Variants in USP39 observed in about 807,000 individuals in gnomAD.
USP39 encodes ubiquitin specific peptidase 39, also known as ubiquitin carboxyl-terminal hydrolase 39.
In USP39, 38 loss-of-function variants were observed where a neutral mutation model predicts 66.4. That is an observed-to-expected ratio of 0.57 (90% confidence interval 0.44 to 0.75). USP39 has a LOEUF of 0.75. Ranked by LOEUF, USP39 falls within the 30% of genes least tolerant of loss-of-function variation. The probability of loss-of-function intolerance (pLI) is 0.00; values close to 1 mark genes in which losing one functional copy is unlikely to be tolerated. For synonymous variants in USP39, 303 were observed against 274.6 expected, an observed-to-expected ratio of 1.10 and a Z score of -1.02; for missense variants, 608 against 714.4, an observed-to-expected ratio of 0.85 and a Z score of 1.70.
intron 11 of USP39, among the ~76,000 whole-genome samples, chr2:85,647,396 C>T (rs1229214979): frequency 2.0e-5 from 3 of 151,968 alleles, no homozygotes; most frequent in African/African-American, 4.8e-5. Flanking sequence ...AGGGGCCAGG[C>T]GCAGTGGCTC....
At chr2:85,641,345 A>G (rs1676220777) in intron 10 of USP39, among the ~76,000 whole-genome samples, 1 of 152,214 alleles carries the variant, frequency 6.6e-6, no homozygotes, top group East Asian at 1.9e-4. Context: ...TCCTGTTGCT[A>G]GCTGGAAATT....
At chr2:85,604,251 C>T (rs1673129940) in intron 1 of USP39, among the ~76,000 whole-genome samples, 1 of 152,140 alleles carries the variant, frequency 6.6e-6, no homozygotes, top group African/African-American at 2.4e-5. Flanking sequence ...CACTTGTTGC[C>T]CAGGCTGGAA....
At chr2:85,633,503 C>G (rs7579847) in intron 6 of USP39, among the ~76,000 whole-genome samples, 11,527 of 152,202 alleles carry the variant, frequency 0.076, 1,471 homozygotes, top group African/African-American at 0.26. Flanking sequence ...GGCATGGTCA[C>G]TCAAACCTGT....
upstream of USP39, chr2:85,607,286 G>A (rs1305822572): frequency 6.6e-6 from 1 of 152,210 alleles, no homozygotes; most frequent in Non-Finnish European, 1.5e-5. Flanking sequence ...CTCTGACCAG[G>A]AAGAACAGGG....
At chr2:85,640,915 C>T (rs1676187978) in intron 9 of USP39, 61 bp from the exon 10 acceptor site, 1 of 1,482,868 alleles carries the variant, frequency 6.7e-7, no homozygotes, top group East Asian at 2.3e-5. Context: ...AAAACTCATG[C>T]CCCTGCTCTA....
At chr2:85,624,906 T>C (rs1181829280) in intron 4 of USP39, among the ~76,000 whole-genome samples, 2 of 149,132 alleles carry the variant, frequency 1.3e-5, no homozygotes, top group Admixed American at 6.8e-5. Context: ...GAGGTTGCAG[T>C]GAGCCAAGAT....
At chr2:85,642,482 TC>T (rs1676305474) in intron 10 of USP39, among the ~76,000 whole-genome samples, 1 of 152,224 alleles carries the variant, frequency 6.6e-6, no homozygotes, top group African/African-American at 2.4e-5. Flanking sequence ...CAATGGTACT[TC>T]CTGCTCAGTT....
At chr2:85,642,716 T>C (rs1676330493) in intron 10 of USP39, among the ~76,000 whole-genome samples, 1 of 152,242 alleles carries the variant, frequency 6.6e-6, no homozygotes, top group Non-Finnish European at 1.5e-5. Flanking sequence ...TTCTGGATCA[T>C]TTCATTGTCC....
At chr2:85,638,085 G>A (rs1462631780) in intron 8 of USP39, among the ~76,000 whole-genome samples, 1 of 143,582 alleles carries the variant, frequency 7.0e-6, no homozygotes, top group African/African-American at 2.6e-5. Context: ...GCAATGGCAT[G>A]ATCTCAGCTC....
At chr2:85,608,838 G>A, upstream of USP39, 6 of 1,483,416 alleles carry the variant, frequency 4.0e-6, no homozygotes, top group Middle Eastern at 1.9e-4. Flanking sequence ...CAGCTCTGGG[G>A]GTCTCAAGAT....
At chr2:85,631,651 G>T (rs1267364889) in intron 6 of USP39, among the ~76,000 whole-genome samples, 1 of 152,108 alleles carries the variant, frequency 6.6e-6, no homozygotes, top group Non-Finnish European at 1.5e-5. Flanking sequence ...CAGGAGGCTG[G>T]GAAAGACACT....
chr2:85,622,670 C>T (rs1040511159), intron 3 of USP39, among the ~76,000 whole-genome samples: 2 of 147,856 alleles, frequency 1.4e-5, no homozygotes, highest in Non-Finnish European at 3.0e-5. Flanking sequence ...TTTTTTATTC[C>T]ATTTTTTTCT....
upstream of USP39, chr2:85,609,334 C>T: frequency 6.7e-7 from 1 of 1,494,428 alleles, no homozygotes; most frequent in East Asian, 2.3e-5. Flanking sequence ...GGAGCAGACG[C>T]TTCCCATTGG....
intron 8 of USP39, among the ~76,000 whole-genome samples, chr2:85,638,952 G>A (rs1299702355): frequency 6.6e-6 from 1 of 151,770 alleles, no homozygotes; most frequent in African/African-American, 2.4e-5. Context: ...GATTACAGCC[G>A]TGAGCCATCA....
At chr2:85,647,511 A>G (rs1313235799) in intron 11 of USP39, among the ~76,000 whole-genome samples, 1 of 151,704 alleles carries the variant, frequency 6.6e-6, no homozygotes, top group Non-Finnish European at 1.5e-5. Context: ...TAAAAAAAAA[A>G]TTAGCCAGTT....
At chr2:85,630,673 G>C in intron 5 of USP39, 48 bp from the exon 6 acceptor site, 1 of 1,562,032 alleles carries the variant, frequency 6.4e-7, no homozygotes, top group Non-Finnish European at 8.8e-7. Context: ...CTTGGCTCAA[G>C]GGGTCCTACA....
chr2:85,633,863 A>T (rs1470273613), intron 6 of USP39, among the ~76,000 whole-genome samples: 5 of 108,004 alleles, frequency 4.6e-5, no homozygotes, highest in Non-Finnish European at 8.6e-5. Flanking sequence ...TTTGAGACAG[A>T]GTCTCGCTCT....
At chr2:85,615,736 T>G (rs1235044022), upstream of USP39, among the ~76,000 whole-genome samples, 1 of 152,226 alleles carries the variant, frequency 6.6e-6, no homozygotes, top group African/African-American at 2.4e-5. Flanking sequence ...GTTCAAGCGA[T>G]TCTCCTGCCT....
chr2:85,640,913 T>C (rs996362812), intron 9 of USP39, 63 bp from the exon 10 acceptor site: 18 of 1,469,484 alleles, frequency 1.2e-5, no homozygotes, highest in Non-Finnish European at 1.6e-5. Flanking sequence ...GAAAAACTCA[T>C]GCCCCTGCTC....
Sources: allele counts gnomAD v4.1 joint callset (sites outside exome capture counted in the v4.1 genomes callset), GRCh38; gene constraint gnomAD v4.1.1; transcripts MANE v1.5; gene names NCBI Gene and HGNC (gene_info 2026-07-23, HGNC 2026-07-21).